NLGN1: variants seen among roughly 807,000 people sequenced by gnomAD.
The protein encoded by NLGN1 is neuroligin 1.
Under a neutral mutation model 65.5 loss-of-function variants are expected in NLGN1, and 12 were observed. The observed-to-expected ratio is 0.18, with a 90% CI of 0.12 to 0.30. The LOEUF is 0.30. NLGN1 is among the 10% of genes least tolerant of loss of function. The pLI is 1.00. For missense variants in NLGN1, 750 were observed against 1,007.1 expected, an observed-to-expected ratio of 0.74 and a Z score of 3.46; for synonymous variants, 350 against 359.5, an observed-to-expected ratio of 0.97 and a Z score of 0.30.
chr3:173,562,269 C>T (rs190467580), intron 2 of NLGN1, among the ~76,000 whole-genome samples: 1 of 152,220 alleles, frequency 6.6e-6, no homozygotes, highest in African/African-American at 2.4e-5. Context: ...CTTAATTCAA[C>T]TAATAAAGAC....
At chr3:173,776,822 T>C (rs183562921) in intron 3 of NLGN1, among the ~76,000 whole-genome samples, 1 of 152,100 alleles carries the variant, frequency 6.6e-6, no homozygotes, top group East Asian at 1.9e-4. Context: ...AAATAATCCT[T>C]ATTGTAAAAT....
At chr3:173,580,934 T>C (rs1746297129) in intron 2 of NLGN1, among the ~76,000 whole-genome samples, 1 of 152,006 alleles carries the variant, frequency 6.6e-6, no homozygotes, top group African/African-American at 2.4e-5. Context: ...TGATATACTT[T>C]GGATTATGCC....
intron 3 of NLGN1, among the ~76,000 whole-genome samples, chr3:173,695,053 A>G (rs1039424865): frequency 3.9e-4 from 59 of 152,148 alleles, no homozygotes; most frequent in African/African-American, 1.3e-3. Flanking sequence ...ACTTTTAGCT[A>G]TATATGTTGA....
At chr3:173,894,327 C>A (rs537364411) in intron 4 of NLGN1, among the ~76,000 whole-genome samples, 1 of 152,202 alleles carries the variant, frequency 6.6e-6, no homozygotes, top group East Asian at 1.9e-4. Flanking sequence ...AGGAAGGCAA[C>A]CAAGCTAATT....
At chr3:173,488,999 C>T (rs543782150) in intron 2 of NLGN1, among the ~76,000 whole-genome samples, 45 of 151,858 alleles carry the variant, frequency 3.0e-4, no homozygotes, top group Non-Finnish European at 5.7e-4. Context: ...TCCTCAACTA[C>T]ACCTAATCTG....
intron 4 of NLGN1, among the ~76,000 whole-genome samples, chr3:173,946,049 A>G (rs1270085312): frequency 6.6e-6 from 1 of 152,212 alleles, no homozygotes; most frequent in Non-Finnish European, 1.5e-5. Flanking sequence ...TTTTCCTTAG[A>G]GATGTCATCA....
chr3:173,624,477 G>A (rs1013223744), intron 3 of NLGN1, among the ~76,000 whole-genome samples: 3 of 152,140 alleles, frequency 2.0e-5, no homozygotes, highest in East Asian at 1.9e-4. Context: ...TCCAAGAAGC[G>A]AAACTTTTGC....
chr3:173,634,184 A>G (rs903955127), intron 3 of NLGN1, among the ~76,000 whole-genome samples: 16 of 152,264 alleles, frequency 1.1e-4, no homozygotes, highest in African/African-American at 3.8e-4. Flanking sequence ...AATATTGGAT[A>G]AAATAAATAA....
chr3:173,993,047 A>T (rs1243621131), intron 4 of NLGN1, among the ~76,000 whole-genome samples: 3 of 152,168 alleles, frequency 2.0e-5, no homozygotes, highest in Non-Finnish European at 4.4e-5. Context: ...ATTATTATTT[A>T]TTATCCTCCT....
intron 2 of NLGN1, among the ~76,000 whole-genome samples, chr3:173,472,187 GA>G (rs1725424332): frequency 6.6e-6 from 1 of 152,096 alleles, no homozygotes; most frequent in Non-Finnish European, 1.5e-5. Flanking sequence ...ATTAAAGTAA[GA>G]AATTTGAAAA....
chr3:173,522,605 T>G (rs1322660589), intron 2 of NLGN1, among the ~76,000 whole-genome samples: 1 of 151,818 alleles, frequency 6.6e-6, no homozygotes, highest in African/African-American at 2.4e-5. Flanking sequence ...TAATTTTTTT[T>G]TGTATTTTTA....
At chr3:173,536,300 A>G (rs1469848497) in intron 2 of NLGN1, among the ~76,000 whole-genome samples, 1 of 152,172 alleles carries the variant, frequency 6.6e-6, no homozygotes, top group Non-Finnish European at 1.5e-5. Flanking sequence ...TTCCTTGCTA[A>G]TGAGGATTTA....
chr3:173,968,309 T>A (rs554791278), intron 4 of NLGN1, among the ~76,000 whole-genome samples: 32 of 152,298 alleles, frequency 2.1e-4, no homozygotes, highest in African/African-American at 6.3e-4. Flanking sequence ...TTTGAACTGT[T>A]ATTTTATCTT....
At chr3:173,676,084 A>G (rs1258947794) in intron 3 of NLGN1, among the ~76,000 whole-genome samples, 1 of 152,132 alleles carries the variant, frequency 6.6e-6, no homozygotes, top group Non-Finnish European at 1.5e-5. Context: ...TTACAACTAC[A>G]TGTGAATATA....
intron 3 of NLGN1, among the ~76,000 whole-genome samples, chr3:173,710,988 C>G (rs573123686): frequency 6.6e-6 from 1 of 152,234 alleles, no homozygotes; most frequent in South Asian, 2.1e-4. Context: ...GAGTGTCTGT[C>G]TATGAGTTTG....
intron 2 of NLGN1, among the ~76,000 whole-genome samples, chr3:173,542,245 T>C (rs1222409733): frequency 5.3e-5 from 8 of 152,056 alleles, no homozygotes; most frequent in Non-Finnish European, 1.0e-4. Flanking sequence ...GGCTCCATTT[T>C]TGTTGAATCC....
chr3:173,908,810 G>T (rs987182476), intron 4 of NLGN1, among the ~76,000 whole-genome samples: 1 of 152,124 alleles, frequency 6.6e-6, no homozygotes, highest in African/African-American at 2.4e-5. Flanking sequence ...ATGGCATTGC[G>T]TTATTTTTCT....
intron 2 of NLGN1, among the ~76,000 whole-genome samples, chr3:173,446,214 C>T (rs576270381): frequency 9.6e-6 from 1 of 103,646 alleles, no homozygotes; most frequent in Non-Finnish European, 1.9e-5. Context: ...ATCCCTCCCC[C>T]CTACCCCCAC....
intron 4 of NLGN1, among the ~76,000 whole-genome samples, chr3:174,205,111 A>T (rs559126986): frequency 2.1e-4 from 32 of 152,202 alleles, no homozygotes; most frequent in East Asian, 1.2e-3. Flanking sequence ...TCAAAATTTT[A>T]AAAAAAATTT....
Sources: gnomAD v4.1 joint callset for allele counts (sites outside exome capture counted in the v4.1 genomes callset) on GRCh38, gnomAD v4.1.1 for gene constraint, MANE v1.5 for transcripts, NCBI Gene and HGNC (gene_info 2026-07-23, HGNC 2026-07-21) for gene names.